PADI4: variants seen among roughly 807,000 people sequenced by gnomAD.
PADI4 encodes the protein peptidyl arginine deiminase 4.
In PADI4, 62 loss-of-function variants were observed where a neutral mutation model predicts 75.0. The observed-to-expected ratio is 0.83, with a 90% CI of 0.67 to 1.02. PADI4 has a LOEUF of 1.02. Ranked by LOEUF, PADI4 falls within the 50% of genes least tolerant of loss-of-function variation. The pLI is 0.00. For missense variants in PADI4, 845 were observed against 850.5 expected (o/e 0.99, Z 0.08); for synonymous variants, 361 against 348.1 (o/e 1.04, Z -0.41).
At chr1:17,314,993 G>T (rs2073907372) in intron 1 of PADI4, among the ~76,000 whole-genome samples, 1 of 152,214 alleles carries the variant, frequency 6.6e-6, no homozygotes, top group Non-Finnish European at 1.5e-5. Flanking sequence ...GCCACCCGGG[G>T]TGATGACAAC....
At chr1:17,342,900 T>G (rs1221100834) in intron 8 of PADI4, among the ~76,000 whole-genome samples, 1 of 152,132 alleles carries the variant, frequency 6.6e-6, no homozygotes, top group Non-Finnish European at 1.5e-5. Flanking sequence ...GCTTGAACCC[T>G]GGAGGCGGAG....
Position 17,342,054 on chromosome 1 carries a change from CT to C in PADI4, c.767del (p.Phe256SerfsTer43). 1 of 1,614,116 alleles carries C rather than the reference CT, an allele frequency of 6.2e-7. No homozygotes were observed. The highest frequency in any genetic ancestry group is 8.5e-7 in the Non-Finnish European group (1 of 1,179,986). On this transcript the variant is annotated frameshift_variant, in exon 7 of 16. Coordinates refer to ENST00000375448, the MANE Select transcript of PADI4 (RefSeq NM_012387.3). LOFTEE classifies it high-confidence loss of function. ...ATGGACTTCTACGTGGAGGCCCTCGCTTTCCCGGACACCGACTTCCCGGGGC... is the reference window on the plus strand; with the variant it reads ...ATGGACTTCTACGTGGAGGCCCTCGCTTCCCGGACACCGACTTCCCGGGGC... ...HNMDFYVEAL[A>X]FPDTDFPGLI...
chr1:17,318,678 C>T (rs1414235229), intron 1 of PADI4, among the ~76,000 whole-genome samples: 1 of 143,544 alleles, frequency 7.0e-6, no homozygotes, highest in East Asian at 2.1e-4. Flanking sequence ...AATTGGCATG[C>T]TGATTTTTTT....
In PADI4 at chr1:17,363,685, G is replaced by A. The variant is rs762067416; in HGVS notation, c.1922G>A (p.Gly641Glu). 2.5e-6 allele frequency: 4 copies of A among 1,614,084 alleles called. No homozygotes were observed. The highest frequency in any genetic ancestry group is 1.7e-5 in the Admixed American group (1 of 60,008). Residue 641 changes from glycine to glutamate, a missense_variant, in exon 16 of 16, where the codon GGG becomes GAG. Transcript: ENST00000375448. ...TTCTTCACCTACCACATCAGGCATG[G>A]GGAGGTGCACTGCGGCACCAACGTG... The part of the protein sequence containing the change: ...NDFFTYHIRH[G>E]EVHCGTNVRR...
intron 1 of PADI4, among the ~76,000 whole-genome samples, chr1:17,329,131 G>C (rs922218393): frequency 6.7e-6 from 1 of 149,410 alleles, no homozygotes; most frequent in Non-Finnish European, 1.5e-5. Flanking sequence ...ACGAGTGCAC[G>C]ATTCTAGGTT....
chr1:17,324,447 A>C (rs1415683151), intron 1 of PADI4, among the ~76,000 whole-genome samples: 5 of 151,732 alleles, frequency 3.3e-5, no homozygotes, highest in Admixed American at 3.3e-4. Flanking sequence ...TTTACTTTAT[A>C]TTGTCTTTTG....
At chr1:17,347,874 A>C in intron 9 of PADI4, 67 bp from the exon 10 acceptor site, 1 of 809,200 alleles carries the variant, frequency 1.2e-6, no homozygotes. Context: ...TCATGCCCCC[A>C]TCCTGGCGTC....
chr1:17,320,788 C>T (rs1314605899), intron 1 of PADI4, among the ~76,000 whole-genome samples: 1 of 152,180 alleles, frequency 6.6e-6, no homozygotes, highest in Non-Finnish European at 1.5e-5. Context: ...GTGCTGACCT[C>T]CTATCTCATC....
At chr1:17,353,183 G>A (rs954196365) in intron 10 of PADI4, among the ~76,000 whole-genome samples, 1 of 152,120 alleles carries the variant, frequency 6.6e-6, no homozygotes, top group Non-Finnish European at 1.5e-5. Context: ...GTGGAATCAG[G>A]CCAGGCGCAG....
At chr1:17,333,551 C>T (rs1293714663) in intron 2 of PADI4, among the ~76,000 whole-genome samples, 1 of 151,808 alleles carries the variant, frequency 6.6e-6, no homozygotes, top group East Asian at 1.9e-4. Flanking sequence ...TCTGGTTCTT[C>T]AGGTCTTTCC....
chr1:17,359,441 G>A (rs370933073), intron 15 of PADI4, 33 bp downstream of exon 15: 3 of 1,613,394 alleles, frequency 1.9e-6, no homozygotes, highest in African/African-American at 1.3e-5. Flanking sequence ...ACCCCAGGGT[G>A]TGGCATGGAG....
At chr1:17,343,891 C>T (rs1244712275) in intron 8 of PADI4, among the ~76,000 whole-genome samples, 2 of 152,076 alleles carry the variant, frequency 1.3e-5, no homozygotes, top group Non-Finnish European at 2.9e-5. Flanking sequence ...TGGACTAATA[C>T]AGTAAATTGA....
At chr1:17,357,787 C>T (rs780291329) in intron 13 of PADI4, among the ~76,000 whole-genome samples, 4 of 151,398 alleles carry the variant, frequency 2.6e-5, no homozygotes, top group East Asian at 2.0e-4. Flanking sequence ...AAAAATTAGC[C>T]GGGCGTGGTG....
At position 17,346,893 on chromosome 1, in the gene PADI4, C is replaced by T. The variant is rs1194158320; in HGVS notation, c.1047+754C>T. On this transcript the variant is annotated intron_variant, in intron 9 of 15. Coordinates refer to ENST00000375448, the MANE Select transcript of PADI4 (RefSeq NM_012387.3). This position sits in a 1 kb window ranked among gnomAD's most constrained non-coding sequence, Gnocchi z 4.3. ...CATCACCCCCAGCAGGAATTCATCC[C>T]TCTTTCTTTTCACCCCCACACAACA... Among the ~76,000 whole-genome samples the T allele has an allele frequency of 2.0e-5, 3 of 152,082 alleles. No individual in the cohort carries two copies. The highest frequency in any genetic ancestry group is 1.5e-5 in the Non-Finnish European group (1 of 68,014).
At chr1:17,325,065 T>C (rs2074096427) in intron 1 of PADI4, among the ~76,000 whole-genome samples, 2 of 152,236 alleles carry the variant, frequency 1.3e-5, no homozygotes, top group South Asian at 4.1e-4. Context: ...TTTACTACTT[T>C]CCTTTACAAG....
intron 7 of PADI4, 73 bp downstream of exon 7, chr1:17,342,194 A>G: frequency 1.3e-6 from 2 of 1,510,582 alleles, no homozygotes; most frequent in Non-Finnish European, 1.8e-6. Context: ...AAAGGGGTAC[A>G]GAGCCCAGCT....
chr1:17,316,283 A>T (rs2073931460), intron 1 of PADI4, among the ~76,000 whole-genome samples: 1 of 151,918 alleles, frequency 6.6e-6, no homozygotes, highest in Non-Finnish European at 1.5e-5. Flanking sequence ...AGTCTCAGCT[A>T]CTAAGGAGGC....
rs147091134 is a variant in PADI4, at chr1:17,309,175, A to G, written c.92+861A>G. Among the ~76,000 whole-genome samples, 125 of 142,922 alleles carry G rather than the reference A, an allele frequency of 8.7e-4. 2 individuals are homozygous for G. Among genetic ancestry groups the G allele is most frequent in the African/African-American group, 2.8e-3 (107 of 38,196 alleles). 93.8% of individuals were successfully genotyped at this position (142,922 alleles called of 152,430 possible). ...AAAAAAAAAACAATTTTCCCTGGAA[A>G]AAAAAAAAAAAAAGAGCTGGAGTCC... On this transcript the variant is annotated intron_variant, in intron 1 of 15. Coordinates refer to ENST00000375448, the MANE Select transcript of PADI4 (RefSeq NM_012387.3).
intron 1 of PADI4, among the ~76,000 whole-genome samples, chr1:17,316,785 C>T (rs959276665): frequency 2.6e-5 from 4 of 151,924 alleles, no homozygotes; most frequent in African/African-American, 4.8e-5. Flanking sequence ...CCCCCCCACC[C>T]GTCTCCCCTG....
Sources: gnomAD v4.1 joint callset for allele counts (sites outside exome capture counted in the v4.1 genomes callset) on GRCh38, gnomAD v4.1.1 for gene constraint, Gnocchi (gnomAD v3.1) non-coding constraint, MANE v1.5 for transcripts, NCBI Gene and HGNC (gene_info 2026-07-23, HGNC 2026-07-21) for gene names.